Variants in RBFOX2 observed in about 807,000 individuals in gnomAD.
RBFOX2 encodes the protein RNA binding protein fox-1 homolog 2.
In RBFOX2, 10 loss-of-function variants were observed where a neutral mutation model predicts 49.1. The ratio of observed to expected loss-of-function variants is 0.20; its 90% CI spans 0.13 to 0.35. The LOEUF (loss-of-function observed/expected upper bound fraction) is 0.35. RBFOX2 is among the 10% of genes least tolerant of loss of function. The pLI, the probability that RBFOX2 is intolerant of heterozygous loss-of-function variation, is 1.00. For missense variants in RBFOX2, 323 were observed against 486.9 expected, an observed-to-expected ratio of 0.66 and a Z score of 3.17; for synonymous variants, 183 against 187.4, an observed-to-expected ratio of 0.98 and a Z score of 0.19.
At chr22:35,781,374 G>C (rs1945107111) in intron 3 of RBFOX2, among the ~76,000 whole-genome samples, 2 of 152,206 alleles carry the variant, frequency 1.3e-5, no homozygotes, top group Admixed American at 6.5e-5. Flanking sequence ...GTCACAGCAA[G>C]CTGGGTCATA....
chr22:35,835,665 G>C (rs1199049325), intron 1 of RBFOX2, among the ~76,000 whole-genome samples: 1 of 151,992 alleles, frequency 6.6e-6, no homozygotes, highest in Non-Finnish European at 1.5e-5. Flanking sequence ...GAAAGATAAA[G>C]GAAAAAATAG....
intron 1 of RBFOX2, among the ~76,000 whole-genome samples, chr22:35,905,409 T>C (rs1452183604): frequency 6.6e-6 from 1 of 152,224 alleles, no homozygotes; most frequent in Non-Finnish European, 1.5e-5. Flanking sequence ...CTGATGCTGA[T>C]ACCTGTGTTA....
rs35854576 is a variant in RBFOX2, at chr22:35,869,469, C to CAAAAAAAAAA, written c.-33-59475_-33-59466dup. Among the ~76,000 whole-genome samples the CAAAAAAAAAA allele has an allele frequency of 3.9e-4, 12 of 30,570 alleles. 3 individuals are homozygous for CAAAAAAAAAA. The highest frequency in any genetic ancestry group is 6.5e-4 in the Non-Finnish European group (10 of 15,374). The allele number at this position is 30,570 out of a possible 152,430, so 20.1% of individuals were successfully genotyped here. On this transcript the variant is annotated intron_variant, in intron 1 of 13. Transcript: ENST00000359369. ...CCACCACACCCAGCCAACGGCTGACCAAAAAAAAAAAAAAAAAAAAAAAAA... is the reference window on the plus strand; with the variant it reads ...CCACCACACCCAGCCAACGGCTGACCAAAAAAAAAAAAAAAAAAAAAAAAAAAAAAAAAAA...
chr22:35,754,852 A>G (rs899641193), intron 9 of RBFOX2, among the ~76,000 whole-genome samples: 1 of 152,230 alleles, frequency 6.6e-6, no homozygotes, highest in Non-Finnish European at 1.5e-5. Flanking sequence ...TCTGAGAAAT[A>G]TATCTGTAAG....
intron 1 of RBFOX2, among the ~76,000 whole-genome samples, chr22:35,862,816 T>C (rs2043246965): frequency 6.6e-6 from 1 of 152,190 alleles, no homozygotes; most frequent in Non-Finnish European, 1.5e-5. Flanking sequence ...AAGATAATAA[T>C]AGTACCTATC....
intron 1 of RBFOX2, among the ~76,000 whole-genome samples, chr22:36,018,834 G>A (rs1368133759): frequency 2.0e-5 from 3 of 151,996 alleles, no homozygotes; most frequent in Non-Finnish European, 4.4e-5. Context: ...GGCTGGTCTC[G>A]AACTTCTGAC....
intron 2 of RBFOX2, among the ~76,000 whole-genome samples, chr22:35,801,686 A>G (rs981142651): frequency 3.0e-4 from 45 of 152,204 alleles, no homozygotes; most frequent in African/African-American, 1.1e-3. Flanking sequence ...TTAGCTGGGC[A>G]TAGTGGCAGA....
exon 1 of RBFOX2, chr22:36,028,537 C>CGCGTGCGT (rs990342798): frequency 3.3e-5 from 31 of 947,316 alleles, no homozygotes; most frequent in Admixed American, 6.1e-5. Flanking sequence ...CCCCCGCCCC[C>CGCGTGCGT]GCGTGCGTGC....
chr22:36,019,797 A>G (rs985049213), intron 1 of RBFOX2, among the ~76,000 whole-genome samples: 8 of 152,228 alleles, frequency 5.3e-5, no homozygotes, highest in African/African-American at 1.7e-4. Context: ...GGAAGAATCA[A>G]TATCATGAAA....
upstream of RBFOX2, among the ~76,000 whole-genome samples, chr22:35,845,084 G>T: frequency 6.6e-6 from 1 of 152,042 alleles, no homozygotes; most frequent in Admixed American, 6.6e-5. Flanking sequence ...TTCCCAGGCT[G>T]CCTCTGACAC....
upstream of RBFOX2, among the ~76,000 whole-genome samples, chr22:35,962,065 C>CA (rs1024417187): frequency 2.6e-5 from 4 of 152,086 alleles, no homozygotes; most frequent in African/African-American, 9.7e-5. Context: ...AAAAACTATG[C>CA]AAAAAAACAG....
intron 1 of RBFOX2, among the ~76,000 whole-genome samples, chr22:35,921,158 A>G (rs191155596): frequency 6.6e-6 from 1 of 152,340 alleles, no homozygotes; most frequent in African/African-American, 2.4e-5. Flanking sequence ...TATTCTATGT[A>G]CGACTTTGGC....
chr22:35,766,484 TA>T (rs199623329), intron 5 of RBFOX2, among the ~76,000 whole-genome samples: 13 of 148,168 alleles, frequency 8.8e-5, no homozygotes, highest in African/African-American at 2.0e-4. Flanking sequence ...GAATTAGAAC[TA>T]AAAAAAAAAC....
chr22:35,810,071 G>A, intron 1 of RBFOX2, 67 bp from the exon 3 acceptor site: 9 of 1,470,240 alleles, frequency 6.1e-6, no homozygotes, highest in Non-Finnish European at 8.5e-6. Context: ...TTTTTAAAGT[G>A]AGTATATGGA....
chr22:35,802,489 G>A (rs1343158918), intron 2 of RBFOX2, among the ~76,000 whole-genome samples: 1 of 152,264 alleles, frequency 6.6e-6, no homozygotes, highest in Admixed American at 6.5e-5. Flanking sequence ...TAAACTTAGG[G>A]GCAAGAGCAT....
intron 4 of RBFOX2, among the ~76,000 whole-genome samples, chr22:35,776,735 C>T (rs1181795896): frequency 6.6e-6 from 1 of 152,114 alleles, no homozygotes; most frequent in African/African-American, 2.4e-5. Flanking sequence ...TAAAAAATTG[C>T]TCTAACCTAA....
chr22:35,980,523 G>A (rs1313162339), intron 1 of RBFOX2, among the ~76,000 whole-genome samples: 1 of 150,902 alleles, frequency 6.6e-6, no homozygotes, highest in Admixed American at 6.7e-5. Context: ...ATCTACCAAA[G>A]CACAAAGCAT....
At chr22:36,024,018 C>T (rs1017421659) in intron 1 of RBFOX2, among the ~76,000 whole-genome samples, 3 of 152,220 alleles carry the variant, frequency 2.0e-5, no homozygotes, top group Admixed American at 2.0e-4. Context: ...CTTAGCACTA[C>T]AGCTCCATTT....
intron 1 of RBFOX2, among the ~76,000 whole-genome samples, chr22:35,814,766 A>G (rs1484923367): frequency 4.0e-5 from 6 of 151,426 alleles, no homozygotes; most frequent in African/African-American, 1.5e-4. Flanking sequence ...GTCAAGAAAA[A>G]AGAGTCTGGT....
Sources: allele counts gnomAD v4.1 joint callset (sites outside exome capture counted in the v4.1 genomes callset), GRCh38; gene constraint gnomAD v4.1.1; transcripts MANE v1.5; gene names NCBI Gene and HGNC (gene_info 2026-07-23, HGNC 2026-07-21).